The following IL1RAPL1 variants were observed in gnomAD, a reference collection of about 807,000 sequenced individuals.
IL1RAPL1 encodes interleukin 1 receptor accessory protein like 1.
Under a neutral mutation model 48.4 loss-of-function variants are expected in IL1RAPL1, and 3 were observed. That is an observed-to-expected ratio of 0.06 (90% CI 0.03 to 0.16). IL1RAPL1 has a LOEUF of 0.16. Ranked by LOEUF, IL1RAPL1 falls within the 10% of genes least tolerant of loss-of-function variation. The pLI, the probability that IL1RAPL1 is intolerant of heterozygous loss-of-function variation, is 1.00. For synonymous variants in IL1RAPL1, 185 were observed against 187.7 expected, an observed-to-expected ratio of 0.99 and a Z score of 0.12; for missense variants, 349 against 530.6, an observed-to-expected ratio of 0.66 and a Z score of 3.36.
chrX:29,515,255 A>G (rs972799815), intron 5 of IL1RAPL1, among the ~76,000 whole-genome samples: 56 of 112,731 alleles, frequency 5.0e-4, no homozygotes, highest in African/African-American at 1.7e-3. Context: ...AGTTTCCCTC[A>G]ATGGAAACAT....
At chrX:29,446,385 G>A (rs1296226110) in intron 5 of IL1RAPL1, among the ~76,000 whole-genome samples, 2 of 111,433 alleles carry the variant, frequency 1.8e-5, no homozygotes, top group Non-Finnish European at 1.9e-5. Context: ...TGTATATTGC[G>A]TCTTTTAAAT....
In IL1RAPL1 at chrX:29,580,269, T is replaced by C. The variant is rs180920649; in HGVS notation, c.704-88161T>C. ...TTAACCTAGTGCTTTAAAAATTGATTATTATTTATTATTGCCATTACTTAA... is the reference window on the plus strand; with the variant it reads ...TTAACCTAGTGCTTTAAAAATTGATCATTATTTATTATTGCCATTACTTAA... On this transcript the variant is annotated intron_variant, in intron 5 of 10. Transcript: ENST00000378993. Among the ~76,000 whole-genome samples, 10 of 111,246 alleles carry C rather than the reference T, an allele frequency of 9.0e-5. No homozygotes were observed. In the East Asian group the frequency reaches 2.8e-3, roughly 31 times the overall value.
chrX:28,637,313 A>G (rs907139006), intron 1 of IL1RAPL1, among the ~76,000 whole-genome samples: 4 of 111,558 alleles, frequency 3.6e-5, no homozygotes, highest in Non-Finnish European at 7.5e-5. Flanking sequence ...AAACTTAACA[A>G]CAACAACAAA....
intron 3 of IL1RAPL1, among the ~76,000 whole-genome samples, chrX:29,311,877 C>T (rs1365702050): frequency 9.0e-6 from 1 of 111,366 alleles, no homozygotes; most frequent in African/African-American, 3.3e-5. Context: ...CACATGATTC[C>T]TTATTTTATT....
chrX:29,911,043 CAT>C lies in IL1RAPL1; in HGVS notation c.779-6419_779-6418del, dbSNP rs995669530. 2.7e-5 allele frequency among the ~76,000 whole-genome samples: 3 copies of C among 111,512 alleles called. No homozygotes were observed. The Admixed American group carries it at 2.9e-4, about 11-fold the overall frequency. On this transcript the variant is annotated intron_variant, in intron 6 of 10. Coordinates refer to ENST00000378993, the MANE Select transcript of IL1RAPL1 (RefSeq NM_014271.4). ...GGTATGTACCCAAGAAAAATGAAAA[CAT>C]AATGTCCACACAAAAACTTAGCAGC...
chrX:29,162,236 T>C (rs1290334466), intron 2 of IL1RAPL1, among the ~76,000 whole-genome samples: 1 of 110,587 alleles, frequency 9.0e-6, no homozygotes, highest in East Asian at 2.8e-4. Flanking sequence ...AGGGAGAGCA[T>C]TAGGACAAAT....
chrX:28,912,615 AAC>A (rs1272361041), intron 2 of IL1RAPL1, among the ~76,000 whole-genome samples: 1 of 111,151 alleles, frequency 9.0e-6, no homozygotes, highest in African/African-American at 3.3e-5. Flanking sequence ...GAGAAATTGA[AAC>A]ACATTTATGT....
chrX:29,398,662 C>T (rs1933949266), intron 4 of IL1RAPL1, among the ~76,000 whole-genome samples: 1 of 111,954 alleles, frequency 8.9e-6, no homozygotes, highest in African/African-American at 3.2e-5. Context: ...AATTTAGGTG[C>T]AATCATTGAA....
In IL1RAPL1 at chrX:28,957,968, A is replaced by G. The variant is rs145430457; in HGVS notation, c.82+168543A>G. On this transcript the variant is annotated intron_variant, in intron 2 of 10. Transcript: ENST00000378993. ...AGCAAGACTTCCTCTCAAAAAATAA[A>G]ATAAAAATAAAATATTATTTATTTA... 8.2e-3 allele frequency among the ~76,000 whole-genome samples: 905 copies of G among 110,313 alleles called. 11 individuals are homozygous for G. The highest frequency in any genetic ancestry group is 0.028 in the African/African-American group (850 of 30,332).
intron 5 of IL1RAPL1, among the ~76,000 whole-genome samples, chrX:29,660,526 G>T (rs1293352222): frequency 8.9e-6 from 1 of 111,799 alleles, no homozygotes; most frequent in African/African-American, 3.2e-5. Flanking sequence ...TATGGTAAAA[G>T]ATGGGTATCT....
At chrX:29,774,423 G>A (rs963289068) in intron 6 of IL1RAPL1, among the ~76,000 whole-genome samples, 3 of 111,521 alleles carry the variant, frequency 2.7e-5, no homozygotes, top group Non-Finnish European at 3.8e-5. Flanking sequence ...AGACAAAGAA[G>A]TAATTAATAT....
intron 2 of IL1RAPL1, among the ~76,000 whole-genome samples, chrX:29,096,217 G>T (rs987512824): frequency 7.2e-5 from 8 of 111,196 alleles, no homozygotes; most frequent in Non-Finnish European, 1.5e-4. Context: ...CTTGGTAAGG[G>T]ATTTGTTAAG....
intron 2 of IL1RAPL1, among the ~76,000 whole-genome samples, chrX:28,873,180 G>T: frequency 1.0e-5 from 1 of 97,985 alleles, no homozygotes; most frequent in Non-Finnish European, 2.0e-5. Flanking sequence ...GCACGATCTC[G>T]GCTCACTGCA....
intron 1 of IL1RAPL1, among the ~76,000 whole-genome samples, chrX:28,651,090 C>A (rs978197083): frequency 1.8e-5 from 2 of 111,952 alleles, no homozygotes; most frequent in African/African-American, 6.5e-5. Flanking sequence ...CTGTATAAAA[C>A]TACCCTCATG....
chrX:29,030,622 T>G (rs1926596342), intron 2 of IL1RAPL1, among the ~76,000 whole-genome samples: 1 of 111,723 alleles, frequency 9.0e-6, no homozygotes, highest in Admixed American at 9.5e-5. Flanking sequence ...ACATTTCGAA[T>G]TTTGAATTTC....
intron 2 of IL1RAPL1, among the ~76,000 whole-genome samples, chrX:29,280,758 C>T: frequency 9.0e-6 from 1 of 111,523 alleles, no homozygotes; most frequent in Middle Eastern, 4.6e-3. Flanking sequence ...CATAATATAA[C>T]ATCAAATAGC....
chrX:29,598,061 G>A (rs1923607587), intron 5 of IL1RAPL1, among the ~76,000 whole-genome samples: 1 of 111,093 alleles, frequency 9.0e-6, no homozygotes, highest in South Asian at 3.8e-4. Flanking sequence ...CTTTTCTTCT[G>A]CTGGGTTTGG....
At chrX:29,248,143 T>C (rs1284981122) in intron 2 of IL1RAPL1, among the ~76,000 whole-genome samples, 1 of 111,970 alleles carries the variant, frequency 8.9e-6, no homozygotes, top group African/African-American at 3.2e-5. Context: ...TGGCTGGGCA[T>C]GGTGGCTCAC....
At chrX:29,645,125 T>G (rs1925280953) in intron 5 of IL1RAPL1, among the ~76,000 whole-genome samples, 1 of 112,844 alleles carries the variant, frequency 8.9e-6, no homozygotes, top group Non-Finnish European at 1.9e-5. Context: ...CATAAATTTC[T>G]TAAAGAAGGA....
Sources: allele counts gnomAD v4.1 joint callset (sites outside exome capture counted in the v4.1 genomes callset), GRCh38; gene constraint gnomAD v4.1.1; transcripts MANE v1.5; gene names NCBI Gene and HGNC (gene_info 2026-07-23, HGNC 2026-07-21).